The following PARD3B variants were observed in gnomAD, a reference collection of about 807,000 sequenced individuals.
The protein encoded by PARD3B is partitioning defective 3 homolog B.
PARD3B carries 103 observed loss-of-function variants against 130.2 expected under a neutral mutation model. The observed-to-expected ratio is 0.79, with a 90% CI of 0.67 to 0.93. The LOEUF is 0.93. Among genes scored for constraint, PARD3B ranks in the 40% least tolerant of loss-of-function variants. The pLI, the probability that PARD3B is intolerant of heterozygous loss-of-function variation, is 0.00. For synonymous variants in PARD3B, 583 were observed against 553.2 expected, an observed-to-expected ratio of 1.05 and a Z score of -0.76; for missense variants, 1,609 against 1,499.2, an observed-to-expected ratio of 1.07 and a Z score of -1.21.
intron 3 of PARD3B, among the ~76,000 whole-genome samples, chr2:204,980,983 T>C (rs1159848331): frequency 6.6e-6 from 1 of 152,208 alleles, no homozygotes. Context: ...GATGTTAACA[T>C]AGGGGAAACT....
chr2:205,266,088 T>C (rs1230743901), intron 16 of PARD3B, among the ~76,000 whole-genome samples: 1 of 152,108 alleles, frequency 6.6e-6, no homozygotes, highest in East Asian at 1.9e-4. Context: ...AGATTGTTCT[T>C]TGCCTTTTAG....
chr2:204,891,075 C>G (rs2046426373), intron 2 of PARD3B, among the ~76,000 whole-genome samples: 1 of 152,014 alleles, frequency 6.6e-6, no homozygotes, highest in Non-Finnish European at 1.5e-5. Context: ...GTATTATATT[C>G]TCTTTTCAAT....
At chr2:204,763,441 C>G (rs2040995692) in intron 2 of PARD3B, among the ~76,000 whole-genome samples, 2 of 149,524 alleles carry the variant, frequency 1.3e-5, no homozygotes, top group African/African-American at 2.6e-5. Context: ...AGCTTCCTGG[C>G]TGGATTAGCA....
At position 205,322,000 on chromosome 2, in the gene PARD3B, C is replaced by A. The variant is rs1263850131; in HGVS notation, c.2630+20299C>A. Among the ~76,000 whole-genome samples, 5 of 152,140 alleles carry A rather than the reference C, an allele frequency of 3.3e-5. No homozygotes were observed. Among genetic ancestry groups the A allele is most frequent in the Non-Finnish European group, 7.4e-5 (5 of 68,024 alleles). ...CCTGCTTGTTATTGTTAAAATTGTG[C>A]TGCAGAAGGATCCTTAGAAATTGAA... On this transcript the variant is annotated intron_variant, in intron 18 of 22. Coordinates refer to ENST00000406610, the MANE Select transcript of PARD3B (RefSeq NM_001302769.2). The surrounding 1 kb of genome is among the most constrained non-coding windows in gnomAD (Gnocchi z 4.2).
intron 3 of PARD3B, among the ~76,000 whole-genome samples, chr2:204,989,913 A>G (rs544400710): frequency 1.3e-5 from 2 of 152,252 alleles, no homozygotes; most frequent in East Asian, 3.9e-4. Context: ...CAATGAACAT[A>G]TAACAATTTT....
At chr2:204,772,157 A>G (rs1040364777) in intron 2 of PARD3B, among the ~76,000 whole-genome samples, 1 of 152,088 alleles carries the variant, frequency 6.6e-6, no homozygotes, top group African/African-American at 2.4e-5. Context: ...GTAGTTATTA[A>G]TAGTATTATT....
chr2:204,904,087 TTTTAC>T (rs1157066655), intron 2 of PARD3B, among the ~76,000 whole-genome samples: 2 of 152,188 alleles, frequency 1.3e-5, no homozygotes, highest in African/African-American at 2.4e-5. Context: ...CTCTGATTTA[TTTTAC>T]TTTATTTTTT....
chr2:204,572,006 T>C (rs1167930133), intron 1 of PARD3B, among the ~76,000 whole-genome samples: 1 of 152,098 alleles, frequency 6.6e-6, no homozygotes, highest in Non-Finnish European at 1.5e-5. Flanking sequence ...TTCTCTATAC[T>C]GAAAGGAAAT....
chr2:205,199,912 G>A (rs530287793), intron 15 of PARD3B, among the ~76,000 whole-genome samples: 1 of 151,800 alleles, frequency 6.6e-6, no homozygotes, highest in East Asian at 1.9e-4. Flanking sequence ...GAAAGATAAT[G>A]AATTCCAGAA....
At chr2:205,217,889 TA>T (rs1271189847) in intron 15 of PARD3B, among the ~76,000 whole-genome samples, 2,008 of 81,778 alleles carry the variant, frequency 0.025, 109 homozygotes, top group Non-Finnish European at 0.035. Context: ...TATATATATA[TA>T]TATATTTTTT....
At chr2:205,120,452 T>A (rs1284419876) in intron 7 of PARD3B, among the ~76,000 whole-genome samples, 1 of 151,956 alleles carries the variant, frequency 6.6e-6, no homozygotes, top group Non-Finnish European at 1.5e-5. Flanking sequence ...GGGTGCGGGG[T>A]AGGGTTTAAG....
At position 205,185,736 on chromosome 2, in the gene PARD3B, T is replaced by G. The variant is rs777110082; in HGVS notation, c.1925-28T>G. On this transcript the variant is annotated intron_variant, in intron 13 of 22. Transcript: ENST00000406610. ...ATCGAATGGTTCTGCTTCCACTTTA[T>G]ACAGCTTCATTTGTTCTTTGTTTAT... The G allele has an allele frequency of 5.0e-6, 8 of 1,596,554 alleles. No homozygotes were observed. In the South Asian group the frequency reaches 8.8e-5, roughly 18 times the overall value.
chr2:205,394,191 T>C (rs1485127288), intron 18 of PARD3B, among the ~76,000 whole-genome samples: 1 of 152,140 alleles, frequency 6.6e-6, no homozygotes. Context: ...ACAACCCCCC[T>C]ACCTAGGCAA....
chr2:204,811,423 A>G (rs930286253), intron 2 of PARD3B, among the ~76,000 whole-genome samples: 1 of 152,180 alleles, frequency 6.6e-6, no homozygotes. Context: ...TGTTTATTTC[A>G]TCTCCCATGG....
At chr2:205,343,319 C>T (rs914544621) in intron 18 of PARD3B, among the ~76,000 whole-genome samples, 5 of 152,120 alleles carry the variant, frequency 3.3e-5, no homozygotes, top group South Asian at 2.1e-4. Context: ...ACATGTGCTC[C>T]GAGCATGAAG....
chr2:204,630,365 T>C (rs1041188324), intron 1 of PARD3B, among the ~76,000 whole-genome samples: 19 of 152,158 alleles, frequency 1.2e-4, no homozygotes, highest in Non-Finnish European at 1.5e-4. Context: ...TTGAAAAATT[T>C]TGGAAGCACA....
At chr2:205,240,053 A>T (rs980001391) in intron 15 of PARD3B, among the ~76,000 whole-genome samples, 3 of 152,132 alleles carry the variant, frequency 2.0e-5, no homozygotes, top group Non-Finnish European at 4.4e-5. Context: ...AAGCAGAATC[A>T]TTATGCCAAA....
At chr2:204,984,134 A>AT (rs1412642412) in intron 3 of PARD3B, among the ~76,000 whole-genome samples, 13 of 151,978 alleles carry the variant, frequency 8.6e-5, no homozygotes, top group African/African-American at 2.7e-4. Flanking sequence ...TTATATATAT[A>AT]TTTAATATAT....
chr2:205,609,382 T>A (rs2055143527), intron 22 of PARD3B, among the ~76,000 whole-genome samples: 1 of 152,232 alleles, frequency 6.6e-6, no homozygotes, highest in Non-Finnish European at 1.5e-5. Context: ...ATGTGTGGCA[T>A]GCTCAAGAAT....
Sources: allele counts gnomAD v4.1 joint callset (sites outside exome capture counted in the v4.1 genomes callset), GRCh38; gene constraint gnomAD v4.1.1; non-coding constraint Gnocchi (gnomAD v3.1); transcripts MANE v1.5; gene names NCBI Gene and HGNC (gene_info 2026-07-23, HGNC 2026-07-21).